The following WNT11 variants were observed in gnomAD, a reference collection of about 807,000 sequenced individuals.
WNT11 encodes protein Wnt-11.
A neutral mutation model predicts 35.6 loss-of-function variants in WNT11; 20 were observed. The ratio of observed to expected loss-of-function variants is 0.56; its 90% confidence interval spans 0.40 to 0.82. The LOEUF (loss-of-function observed/expected upper bound fraction) is 0.82, where lower values mean the gene tolerates loss of function less well. WNT11 is among the 40% of genes least tolerant of loss of function. The pLI is 0.00. For synonymous variants in WNT11, 200 were observed against 211.9 expected, an observed-to-expected ratio of 0.94 and a Z score of 0.49; for missense variants, 459 against 504.4, an observed-to-expected ratio of 0.91 and a Z score of 0.86.
chr11:76,189,106 G>A (rs925358669), intron 4 of WNT11, among the ~76,000 whole-genome samples: 4 of 152,252 alleles, frequency 2.6e-5, no homozygotes, highest in African/African-American at 9.6e-5. Context: ...CTTAGTGGCT[G>A]TGTGACTTAA....
rs776060379 is a variant in WNT11, at chr11:76,191,655, G to T, written c.799C>A (p.Pro267Thr). Reference protein sequence around the residue: ...HLVPKDLDIRPVKDSELVYLQ... With the variant: ...HLVPKDLDIRTVKDSELVYLQ... ...TAGACGAGTTCCGAGTCCTTCACAG[G>T]CCGGATATCCAGGTCCTTGGGCACC... Residue 267 changes from proline to threonine, a missense_variant, in exon 4 of 5, where the codon CCT becomes ACT. Physicochemically the swap from Pro to Thr is conservative, Grantham distance 38. Coordinates refer to ENST00000322563, the MANE Select transcript of WNT11 (RefSeq NM_004626.3). The T allele has an allele frequency of 3.7e-6, 6 of 1,613,916 alleles. No homozygotes were observed. Among genetic ancestry groups the T allele is most frequent in the African/African-American group, 1.3e-5 (1 of 74,928 alleles).
At position 76,206,482 on chromosome 11, in the gene WNT11, CT is replaced by C; in HGVS notation, c.-76del. The C allele has an allele frequency of 7.7e-7, 1 of 1,300,804 alleles. No homozygotes were observed. The allele number at this position is 1,300,804 out of a possible 1,614,324, so 80.6% of individuals were successfully genotyped here. A position where few individuals can be genotyped will look rare whatever the true frequency, so the allele number is the denominator to read the frequency against. ...AAGTCCTCCGCCTGCACGGCCGCCG[CT>C]GGTCCTGCACGCCGCCTGCAGCCGG... On this transcript the variant is annotated 5_prime_UTR_variant, in exon 1 of 5. Coordinates refer to ENST00000322563, the MANE Select transcript of WNT11 (RefSeq NM_004626.3).
chr11:76,206,397 C>G lies in WNT11; in HGVS notation c.11G>C (p.Arg4Pro), dbSNP rs758652466. Residue 4 changes from arginine (R) to proline (P), a missense_variant, in exon 1 of 5, where the codon CGG becomes CCG. Transcript: ENST00000322563. Reference protein sequence around the residue: MRARPQVCEALLFA... With the variant: MRAPPQVCEALLFA... ...GAGCAGCGCCTCGCAGACCTGCGGC[C>G]GCGCCCTCATCGTCGCGCGGCGGGC... 4.5e-5 allele frequency: 69 copies of G among 1,526,094 alleles called. No homozygotes were observed. Among genetic ancestry groups the G allele is most frequent in the Non-Finnish European group, 5.3e-5 (61 of 1,142,246 alleles). 94.5% of individuals were successfully genotyped at this position (1,526,094 alleles called of 1,614,324 possible).
At chr11:76,206,241 G>C (rs1012931139) in intron 1 of WNT11, 84 bp downstream of exon 1, 1 of 1,237,630 alleles carries the variant, frequency 8.1e-7, no homozygotes, top group African/African-American at 1.6e-5. Flanking sequence ...GTCTTGGTGC[G>C]CTCGCCCCAT....
At chr11:76,207,644 C>A (rs1209808578), upstream of WNT11, among the ~76,000 whole-genome samples, 1 of 152,108 alleles carries the variant, frequency 6.6e-6, no homozygotes, top group Non-Finnish European at 1.5e-5. Flanking sequence ...CGTCTTTAGC[C>A]GCTCCACTTT....
upstream of WNT11, among the ~76,000 whole-genome samples, chr11:76,208,615 G>A (rs550130940): frequency 3.3e-5 from 5 of 152,320 alleles, no homozygotes; most frequent in Admixed American, 6.5e-5. Context: ...TGGGGAGGGG[G>A]CGGGGGCTGC....
At position 76,191,578 on chromosome 11, in the gene WNT11, G is replaced by T; in HGVS notation, c.876C>A (p.His292Gln). 5.0e-6 allele frequency: 8 copies of T among 1,611,056 alleles called. No homozygotes were observed. Among genetic ancestry groups the T allele is most frequent in the Non-Finnish European group, 6.8e-6 (8 of 1,177,768 alleles). ...GCAGGCCTCACCTGTCTTGTGTCCC[G>T]TGGGAGCCCACCTTCTCATTCTTCA... ...FCMKNEKVGS[H>Q]GTQDRQCNKT... The change falls in exon 4 of 5, where the codon CAC becomes CAA. Residue 292 changes from histidine to glutamine, a missense_variant. Physicochemically the swap from His to Gln is conservative, Grantham distance 24 (BLOSUM62 0). Coordinates refer to ENST00000322563, the MANE Select transcript of WNT11 (RefSeq NM_004626.3).
At chr11:76,208,577 C>A (rs1449846498), upstream of WNT11, among the ~76,000 whole-genome samples, 2 of 152,238 alleles carry the variant, frequency 1.3e-5, no homozygotes, top group Admixed American at 1.3e-4. Flanking sequence ...AAGTGCGCCG[C>A]CCCCCGAAGG....
At chr11:76,210,754 C>T, upstream of WNT11, 1 of 858,866 alleles carries the variant, frequency 1.2e-6, no homozygotes, top group Non-Finnish European at 1.4e-6. Context: ...TCGCCTGGCG[C>T]GATCTCCGGC....
chr11:76,205,122 C>T (rs572834023), intron 1 of WNT11, among the ~76,000 whole-genome samples: 3 of 152,274 alleles, frequency 2.0e-5, no homozygotes, highest in Admixed American at 1.3e-4. Flanking sequence ...TTCTTGTAAA[C>T]AAGAAAGGCA....
At chr11:76,196,749 G>C in intron 1 of WNT11, 31 bp from the exon 2 acceptor site, 1 of 1,552,502 alleles carries the variant, frequency 6.4e-7, no homozygotes, top group Middle Eastern at 2.1e-4. Flanking sequence ...ATGACCGATG[G>C]AAGGAGAGAC....
upstream of WNT11, chr11:76,210,482 G>T: frequency 2.0e-6 from 2 of 985,276 alleles, no homozygotes; most frequent in Non-Finnish European, 2.4e-6. Context: ...CTCCCGGGGC[G>T]CTCGCCAGGC....
In WNT11 at chr11:76,186,406, G is replaced by T. The variant is rs536764916; in HGVS notation, c.*659C>A. On this transcript the variant is annotated 3_prime_UTR_variant, in exon 5 of 5. Coordinates refer to ENST00000322563, the MANE Select transcript of WNT11 (RefSeq NM_004626.3). Reference sequence around the variant, plus strand: ...GACGAGGCCGGGAACTGCAGGGGCGGGCTGGGGCTCACTCAGCATTTATTT... The same window carrying T: ...GACGAGGCCGGGAACTGCAGGGGCGTGCTGGGGCTCACTCAGCATTTATTT... 2 of 152,056 alleles carry T rather than the reference G, an allele frequency of 1.3e-5. No homozygotes were observed. Among genetic ancestry groups the T allele is most frequent in the East Asian group, 3.9e-4 (2 of 5,186 alleles). The allele number at this position is 152,056 out of a possible 1,614,324, so 9.4% of individuals were successfully genotyped here. A position where few individuals can be genotyped will look rare whatever the true frequency, so the allele number is the denominator to read the frequency against.
chr11:76,198,226 GTA>G (rs1415850460), intron 1 of WNT11, among the ~76,000 whole-genome samples: 2 of 152,200 alleles, frequency 1.3e-5, no homozygotes, highest in Non-Finnish European at 2.9e-5. Flanking sequence ...CAACCTCCCA[GTA>G]TTAACTGAGG....
At chr11:76,208,558 C>G (rs74330955), upstream of WNT11, among the ~76,000 whole-genome samples, 2 of 152,008 alleles carry the variant, frequency 1.3e-5, no homozygotes, top group Non-Finnish European at 2.9e-5. Context: ...ACCGTCTTCC[C>G]CTCTCCCAAA....
intron 4 of WNT11, among the ~76,000 whole-genome samples, chr11:76,188,751 C>T (rs2134563508): frequency 1.3e-5 from 2 of 152,366 alleles, no homozygotes; most frequent in Middle Eastern, 6.8e-3. Flanking sequence ...AGCAGGGCCT[C>T]CTGGAAGAGG....
chr11:76,209,234 C>T (rs1031278412), upstream of WNT11, among the ~76,000 whole-genome samples: 20 of 152,172 alleles, frequency 1.3e-4, no homozygotes, highest in Non-Finnish European at 2.5e-4. Flanking sequence ...GAAGTTGGTC[C>T]GAGCTACCCT....
Position 76,194,577 on chromosome 11 carries a change from A to G in WNT11, c.587T>C (p.Val196Ala). 6.5e-7 allele frequency: 1 copy of G among 1,545,960 alleles called. No homozygotes were observed. The highest frequency in any genetic ancestry group is 2.0e-5 in the Admixed American group (1 of 50,868). Residue 196 changes from valine (V) to alanine (A), a missense_variant, in exon 3 of 5, where the codon GTG (valine) becomes GCG (alanine). Val to Ala is a moderately conservative substitution (Grantham distance 64). Transcript: ENST00000322563. The surrounding 1 kb of genome is among the most constrained non-coding windows in gnomAD (Gnocchi z 5.4). ...NKLMRLHNSE[V>A]GRQALRASLE... ...GGGGTGGGTGGTTACCTGTCTCCCCACTTCACTGTTGTGTAGACGCATCAG... is the reference window on the plus strand; with the variant it reads ...GGGGTGGGTGGTTACCTGTCTCCCCGCTTCACTGTTGTGTAGACGCATCAG...
chr11:76,199,870 G>A (rs933064797), intron 1 of WNT11, among the ~76,000 whole-genome samples: 10 of 152,226 alleles, frequency 6.6e-5, no homozygotes, highest in South Asian at 2.1e-4. Context: ...TGGACCAGAC[G>A]GAGTGAGAAG....
Sources: gnomAD v4.1 joint callset for allele counts (sites outside exome capture counted in the v4.1 genomes callset) on GRCh38, gnomAD v4.1.1 for gene constraint, Gnocchi (gnomAD v3.1) non-coding constraint, MANE v1.5 for transcripts, NCBI Gene and HGNC (gene_info 2026-07-23, HGNC 2026-07-21) for gene names.